COL15A1: variants seen among roughly 807,000 people sequenced by gnomAD.
COL15A1 encodes the protein collagen alpha-1(XV) chain.
A neutral mutation model predicts 165.9 loss-of-function variants in COL15A1; 111 were observed. That is an observed-to-expected ratio of 0.67 (90% CI 0.57 to 0.78). The LOEUF (loss-of-function observed/expected upper bound fraction) is 0.78, where lower values mean the gene tolerates loss of function less well. COL15A1 is among the 30% of genes least tolerant of loss of function. COL15A1 has a pLI of 0.00. For synonymous variants in COL15A1, 659 were observed against 674.8 expected (o/e 0.98, Z 0.36); for missense variants, 1,745 against 1,789.7 (o/e 0.98, Z 0.45).
In COL15A1 at chr9:98,943,913, C is replaced by G; in HGVS notation, c.-149C>G. The G allele has an allele frequency of 9.5e-7, 1 of 1,055,424 alleles. No individual in the cohort carries two copies. Among genetic ancestry groups the G allele is most frequent in the Non-Finnish European group, 1.3e-6 (1 of 785,470 alleles). 65.4% of individuals were successfully genotyped at this position (1,055,424 alleles called of 1,614,324 possible). On this transcript the variant is annotated 5_prime_UTR_variant, in exon 1 of 42. Coordinates refer to ENST00000375001, the MANE Select transcript of COL15A1 (RefSeq NM_001855.5). ...GCGCGGGCCGGGAGCCGGGATTCTG[C>G]CCGCCGCCGCCGCTGCCGAGCGCCG...
intron 9 of COL15A1, among the ~76,000 whole-genome samples, chr9:99,013,641 A>G (rs559497977): frequency 6.6e-6 from 1 of 152,136 alleles, no homozygotes; most frequent in East Asian, 1.9e-4. Flanking sequence ...ATACACACTA[A>G]GGTCAAATCC....
In COL15A1 at chr9:98,950,416, CA is replaced by C. The variant is rs781060527; in HGVS notation, c.100+6168del. Reference sequence around the variant, plus strand: ...GGCATCTCATTGTGGTTTTTATTTGCAATTCTTTCTTTCTTTCTTTTTTCTT... The same window carrying C: ...GGCATCTCATTGTGGTTTTTATTTGCATTCTTTCTTTCTTTCTTTTTTCTT... On this transcript the variant is annotated intron_variant, in intron 2 of 41. Transcript: ENST00000375001. 8.6e-5 allele frequency among the ~76,000 whole-genome samples: 13 copies of C among 151,728 alleles called. No homozygotes were observed. In the East Asian group the frequency reaches 2.5e-3, roughly 29 times the overall value.
chr9:99,033,483 G>A (rs1037119436), intron 16 of COL15A1, among the ~76,000 whole-genome samples: 1 of 152,212 alleles, frequency 6.6e-6, no homozygotes, highest in African/African-American at 2.4e-5. Flanking sequence ...GCCACATCAT[G>A]CACCTGACTT....
intron 40 of COL15A1, 122 bp downstream of exon 40, chr9:99,067,189 G>A (rs1029534876): frequency 3.1e-5 from 26 of 831,538 alleles, no homozygotes; most frequent in Admixed American, 2.8e-5. Context: ...CTCCCTTACT[G>A]GCTATGTCAC....
chr9:99,050,493 G>A (rs1457393976), intron 30 of COL15A1, among the ~76,000 whole-genome samples: 1 of 152,214 alleles, frequency 6.6e-6, no homozygotes, highest in African/African-American at 2.4e-5. Context: ...TGAGGGGTCA[G>A]GCACTTGCCC....
chr9:99,070,751 G>A lies in COL15A1; in HGVS notation c.*865G>A, dbSNP rs1229189610. 8.8e-6 allele frequency: 3 copies of A among 342,138 alleles called. No individual in the cohort carries two copies. Among genetic ancestry groups the A allele is most frequent in the African/African-American group, 6.7e-5 (3 of 44,766 alleles). 21.2% of individuals were successfully genotyped at this position (342,138 alleles called of 1,614,324 possible). A position where few individuals can be genotyped will look rare whatever the true frequency, so the allele number is the denominator to read the frequency against. On this transcript the variant is annotated 3_prime_UTR_variant, in exon 42 of 42. Coordinates refer to ENST00000375001, the MANE Select transcript of COL15A1 (RefSeq NM_001855.5). Reference sequence around the variant, plus strand: ...ATAATTGGATTTTTTTTCCATGTAAGTGAACATAAAAACATCTTTTCCGGG... The same window carrying A: ...ATAATTGGATTTTTTTTCCATGTAAATGAACATAAAAACATCTTTTCCGGG...
chr9:99,017,542 C>T (rs4743309), intron 11 of COL15A1, among the ~76,000 whole-genome samples: 20,802 of 152,120 alleles, frequency 0.14, 1,971 homozygotes, highest in East Asian at 0.43. Context: ...ACTCTGGTCA[C>T]GCATTAGAGA....
chr9:99,033,554 G>C (rs1295232386), intron 16 of COL15A1, among the ~76,000 whole-genome samples: 2 of 152,200 alleles, frequency 1.3e-5, no homozygotes, highest in Non-Finnish European at 2.9e-5. Flanking sequence ...TGAGGCCCCT[G>C]TCTTCAACTT....
rs764959441 is a variant in COL15A1, at chr9:99,016,020, G to A, written c.1548G>A (p.Glu516=). The A allele has an allele frequency of 4.3e-6, 7 of 1,613,978 alleles. No homozygotes were observed. Among genetic ancestry groups the A allele is most frequent in the Admixed American group, 1.7e-5 (1 of 59,996 alleles). The change falls in exon 11 of 42, where the codon GAG becomes GAA. Residue 516 remains glutamate (E), a synonymous_variant. Transcript: ENST00000375001. ...ACTTGGCAGCAGCCACAACAGAGGA[G>A]CCCCTCATCACAGCTGGGGGTGAAG... ...EEDLAAATTE[E]PLITAGGEES... is the part of the protein sequence containing the mutation.
rs57568579 is a variant in COL15A1 at position 99,060,256 on chromosome 9, A to AT, written c.3402+313dup. Among the ~76,000 whole-genome samples the AT allele has an allele frequency of 3.9e-3, 540 of 137,152 alleles. 2 individuals are homozygous for AT. Among genetic ancestry groups the AT allele is most frequent in the African/African-American group, 0.011 (402 of 35,186 alleles). The allele number at this position is 137,152 out of a possible 152,430, so 90.0% of individuals were successfully genotyped here. A position where few individuals can be genotyped will look rare whatever the true frequency, so the allele number is the denominator to read the frequency against. ...TTTTTATATATATATATATATATATATTTTTTTTTTGCTGGATGAGGGGTG... is the reference window on the plus strand; with the variant it reads ...TTTTTATATATATATATATATATATATTTTTTTTTTTGCTGGATGAGGGGTG... On this transcript the variant is annotated intron_variant, in intron 36 of 41. Transcript: ENST00000375001.
At chr9:99,064,864 G>A (rs1825869193) in intron 39 of COL15A1, among the ~76,000 whole-genome samples, 1 of 152,326 alleles carries the variant, frequency 6.6e-6, no homozygotes, top group South Asian at 2.1e-4. Context: ...AGTTAGGGCA[G>A]TAGCTAAAGG....
chr9:98,983,134 A>G (rs1222687694), intron 2 of COL15A1, among the ~76,000 whole-genome samples: 1 of 152,192 alleles, frequency 6.6e-6, no homozygotes, highest in Non-Finnish European at 1.5e-5. Flanking sequence ...TTTTTTGTGT[A>G]ACCTAGATAT....
At chr9:98,962,952 A>G (rs1303219155) in intron 2 of COL15A1, among the ~76,000 whole-genome samples, 5 of 152,348 alleles carry the variant, frequency 3.3e-5, no homozygotes, top group African/African-American at 1.2e-4. Context: ...TGCTTCTGGA[A>G]TGAATAGAAA....
chr9:98,991,092 C>A (rs982097687), intron 5 of COL15A1, among the ~76,000 whole-genome samples: 5 of 152,202 alleles, frequency 3.3e-5, no homozygotes, highest in African/African-American at 1.2e-4. Flanking sequence ...AGTGAAGCTG[C>A]AGACCCACCC....
rs548453404 is a variant in COL15A1 at position 99,069,631 on chromosome 9, A to C, written c.3954-42A>C. The C allele has an allele frequency of 8.6e-5, 137 of 1,585,966 alleles. 2 individuals carry two copies. In the South Asian group the frequency reaches 1.5e-3, roughly 17 times the overall value. On this transcript the variant is annotated intron_variant, in intron 41 of 41. Transcript: ENST00000375001. ...TTGCTTACCAAAAAATACCACAAAG[A>C]AGTGTCATTTTGAAAAATAACATGA...
intron 14 of COL15A1, among the ~76,000 whole-genome samples, chr9:99,023,950 C>T (rs539334288): frequency 2.6e-5 from 4 of 152,350 alleles, no homozygotes; most frequent in Admixed American, 2.6e-4. Flanking sequence ...GTGCCTCTTG[C>T]TCCCCTGGCC....
chr9:99,037,342 C>G (rs1045274774), intron 21 of COL15A1, among the ~76,000 whole-genome samples: 2 of 152,160 alleles, frequency 1.3e-5, no homozygotes, highest in Non-Finnish European at 2.9e-5. Context: ...TCATTGAATT[C>G]TCTATTCCTA....
At chr9:99,030,984 A>G (rs1036199580) in intron 16 of COL15A1, among the ~76,000 whole-genome samples, 4 of 152,196 alleles carry the variant, frequency 2.6e-5, no homozygotes, top group African/African-American at 7.2e-5. Flanking sequence ...GTGGAAGGTC[A>G]CACTTAGTTT....
intron 2 of COL15A1, among the ~76,000 whole-genome samples, chr9:98,983,926 T>C (rs530538116): frequency 6.6e-6 from 1 of 152,344 alleles, no homozygotes; most frequent in African/African-American, 2.4e-5. Flanking sequence ...GAAATCAGGC[T>C]GATTCCTCAG....
Sources: gnomAD v4.1 joint callset for allele counts (sites outside exome capture counted in the v4.1 genomes callset) on GRCh38, gnomAD v4.1.1 for gene constraint, MANE v1.5 for transcripts, NCBI Gene and HGNC (gene_info 2026-07-23, HGNC 2026-07-21) for gene names.